The following CTNNAL1 variants were observed in gnomAD, a reference collection of about 807,000 sequenced individuals.
CTNNAL1 encodes catenin alpha like 1, also known as alpha-catulin.
Under a neutral mutation model 93.6 loss-of-function variants are expected in CTNNAL1, and 69 were observed. The observed-to-expected ratio is 0.74, with a 90% CI of 0.61 to 0.90. CTNNAL1 has a LOEUF of 0.90. Ranked by LOEUF, CTNNAL1 falls within the 40% of genes least tolerant of loss-of-function variation. The pLI, the probability that CTNNAL1 is intolerant of heterozygous loss-of-function variation, is 0.00. For missense variants in CTNNAL1, 836 were observed against 862.0 expected (o/e 0.97, Z 0.38); for synonymous variants, 286 against 305.4 (o/e 0.94, Z 0.66).
At chr9:108,989,944 G>A (rs573238640) in intron 4 of CTNNAL1, among the ~76,000 whole-genome samples, 27 of 152,192 alleles carry the variant, frequency 1.8e-4, no homozygotes, top group Admixed American at 1.5e-3. Context: ...CCAGCTACTC[G>A]GGAGGCTGAG....
chr9:109,012,875 G>C (rs1441385548), intron 1 of CTNNAL1, among the ~76,000 whole-genome samples: 1 of 152,204 alleles, frequency 6.6e-6, no homozygotes, highest in East Asian at 1.9e-4. Flanking sequence ...CTGCGAACTG[G>C]TGACAAAGTC....
At chr9:108,976,573 C>T (rs1193568213) in intron 8 of CTNNAL1, among the ~76,000 whole-genome samples, 1 of 151,882 alleles carries the variant, frequency 6.6e-6, no homozygotes, top group Non-Finnish European at 1.5e-5. Flanking sequence ...CTCTGGCACC[C>T]AGGCTGAAGT....
chr9:108,966,804 T>C (rs986797734), intron 10 of CTNNAL1, among the ~76,000 whole-genome samples: 18 of 152,214 alleles, frequency 1.2e-4, no homozygotes, highest in African/African-American at 4.3e-4. Context: ...ATGCTAATTG[T>C]AATATAGGCA....
intron 12 of CTNNAL1, among the ~76,000 whole-genome samples, chr9:108,953,981 C>A (rs1312240032): frequency 6.6e-6 from 1 of 152,120 alleles, no homozygotes; most frequent in Non-Finnish European, 1.5e-5. Context: ...AAGGAACACC[C>A]TCAAGGTTTT....
At chr9:108,949,640 T>C (rs1390853306) in intron 14 of CTNNAL1, among the ~76,000 whole-genome samples, 1 of 152,092 alleles carries the variant, frequency 6.6e-6, no homozygotes, top group East Asian at 1.9e-4. Context: ...AGTCAGGAAT[T>C]TGAGACCAGC....
In CTNNAL1 at chr9:108,980,435, G is replaced by C. The variant is rs563486923; in HGVS notation, c.901-954C>G. 1.3e-4 allele frequency among the ~76,000 whole-genome samples: 20 copies of C among 152,266 alleles called. No homozygotes were observed. In the East Asian group the frequency reaches 3.9e-3, roughly 29 times the overall value. On this transcript the variant is annotated intron_variant, in intron 6 of 18. Coordinates refer to ENST00000325551, the MANE Select transcript of CTNNAL1 (RefSeq NM_003798.4). ...ATGGTCACAATGAATGTGATAATAA[G>C]GATACCTTACATTTGTTTAACACTT...
intron 8 of CTNNAL1, 31 bp from the exon 9 acceptor site, chr9:108,972,864 G>GGCCCCCCCCC: frequency 4.7e-4 from 67 of 142,280 alleles, no homozygotes; most frequent in Non-Finnish European, 6.0e-4. Context: ...GGGGGGGTGG[G>GGCCCCCCCCC]AGGGTGGAGA....
At chr9:108,952,146 C>T in intron 14 of CTNNAL1, 63 bp downstream of exon 14, 2 of 1,412,792 alleles carry the variant, frequency 1.4e-6, no homozygotes, top group East Asian at 2.4e-5. Context: ...TAACATGGAA[C>T]TTTTTTCTTT....
At chr9:108,989,538 A>G (rs1409987418) in intron 4 of CTNNAL1, among the ~76,000 whole-genome samples, 2 of 152,312 alleles carry the variant, frequency 1.3e-5, no homozygotes, top group Non-Finnish European at 2.9e-5. Flanking sequence ...TCCAGCTGCA[A>G]TTGGGAAAGT....
At position 109,013,459 on chromosome 9, in the gene CTNNAL1, C is replaced by G. The variant is rs1432024909; in HGVS notation, c.-17G>C. 6.5e-6 allele frequency: 9 copies of G among 1,377,094 alleles called. No homozygotes were observed. Among genetic ancestry groups the G allele is most frequent in the Non-Finnish European group, 8.5e-6 (9 of 1,059,140 alleles). The allele number at this position is 1,377,094 out of a possible 1,614,324, so 85.3% of individuals were successfully genotyped here. ...GGCGGCCATGGCCCTCGGTCTATCC[C>G]GCAGCCGGGACTCCGCGCCGCGGCG... is the stretch of plus-strand genomic sequence containing the variant. On this transcript the variant is annotated 5_prime_UTR_variant, in exon 1 of 19. Transcript: ENST00000325551.
intron 12 of CTNNAL1, among the ~76,000 whole-genome samples, chr9:108,954,701 G>C (rs912305260): frequency 3.3e-5 from 5 of 152,128 alleles, no homozygotes; most frequent in African/African-American, 1.2e-4. Flanking sequence ...TTTTACACCA[G>C]CTACATTCAG....
At chr9:108,943,631 TTTA>T in intron 17 of CTNNAL1, 69 bp downstream of exon 17, 1 of 1,313,138 alleles carries the variant, frequency 7.6e-7, no homozygotes, top group Non-Finnish European at 1.0e-6. Context: ...GTACTAACAG[TTTA>T]TTTGAAGAAA....
At position 108,972,712 on chromosome 9, in the gene CTNNAL1, G is replaced by A; in HGVS notation, c.1310C>T (p.Ala437Val). 1 of 1,613,820 alleles carries A rather than the reference G, an allele frequency of 6.2e-7. No homozygotes were observed. The highest frequency in any genetic ancestry group is 8.5e-7 in the Non-Finnish European group (1 of 1,179,932). The change falls in exon 9 of 19, where the codon GCC becomes GTC. Residue 437 changes from alanine (A) to valine (V), a missense_variant. Transcript: ENST00000325551. ...CTCTTTCTGTTCAGAGAGTTTACAGGCATATTCAGCCAAAGCTTCTAAATT... is the reference window on the plus strand; with the variant it reads ...CTCTTTCTGTTCAGAGAGTTTACAGACATATTCAGCCAAAGCTTCTAAATT... ...EGNLEALAEY[A>V]CKLSEQKEQL...
chr9:108,987,583 G>T (rs1831654064), intron 4 of CTNNAL1, among the ~76,000 whole-genome samples: 1 of 151,824 alleles, frequency 6.6e-6, no homozygotes, highest in African/African-American at 2.4e-5. Context: ...TTGGTAGCTT[G>T]ATGGGGATGG....
At chr9:108,992,552 A>G (rs547683096) in intron 3 of CTNNAL1, 80 bp downstream of exon 3, 1 of 1,471,032 alleles carries the variant, frequency 6.8e-7, no homozygotes, top group East Asian at 2.4e-5. Context: ...CAAGCCAAGC[A>G]ATCCACCACT....
chr9:108,999,027 A>C, intron 2 of CTNNAL1, 40 bp downstream of exon 2: 1 of 1,540,330 alleles, frequency 6.5e-7, no homozygotes, highest in South Asian at 1.3e-5. Context: ...CAAAGCAATA[A>C]AAGTGGTATG....
chr9:108,972,864 G>GGGGGGGGCGCCCCCCCCCCC, intron 8 of CTNNAL1, 31 bp from the exon 9 acceptor site: 2 of 142,568 alleles, frequency 1.4e-5, no homozygotes, highest in Non-Finnish European at 2.0e-5. Flanking sequence ...GGGGGGGTGG[G>GGGGGGGGCGCCCCCCCCCCC]AGGGTGGAGA....
At position 109,013,367 on chromosome 9, in the gene CTNNAL1, G is replaced by C. The variant is rs1365909460; in HGVS notation, c.76C>G (p.Leu26Val). 6.6e-7 allele frequency: 1 copy of C among 1,514,110 alleles called. No individual in the cohort carries two copies. Among genetic ancestry groups the C allele is most frequent in the East Asian group, 2.8e-5 (1 of 35,834 alleles). The allele number at this position is 1,514,110 out of a possible 1,614,324, so 93.8% of individuals were successfully genotyped here. ...GTTTTGATCTCCAGTCCCGAGTCGA[G>C]GGCGAAGCCCGAAGAGCCGGAGCCG... ...VYGSGSSGFA[L>V]DSGLEIKTRS... Residue 26 changes from leucine to valine, a missense_variant, in exon 1 of 19, where the codon CTC (leucine) becomes GTC (valine). Transcript: ENST00000325551.
chr9:108,966,622 T>C (rs1299439942), intron 10 of CTNNAL1, among the ~76,000 whole-genome samples: 1 of 152,214 alleles, frequency 6.6e-6, no homozygotes, highest in Non-Finnish European at 1.5e-5. Flanking sequence ...GAGAAAGACA[T>C]ACCATTAATC....
Sources: allele counts gnomAD v4.1 joint callset (sites outside exome capture counted in the v4.1 genomes callset), GRCh38; gene constraint gnomAD v4.1.1; transcripts MANE v1.5; gene names NCBI Gene and HGNC (gene_info 2026-07-23, HGNC 2026-07-21).